PRKG2: variants seen among roughly 807,000 people sequenced by gnomAD.
PRKG2 encodes the protein cGMP-dependent protein kinase 2.
PRKG2 carries 33 observed loss-of-function variants against 97.2 expected under a neutral mutation model. The observed-to-expected ratio is 0.34, with a 90% CI of 0.26 to 0.45. PRKG2 has a LOEUF of 0.45. PRKG2 is among the 20% of genes least tolerant of loss of function. The pLI is 1.00. For missense variants in PRKG2, 638 were observed against 900.0 expected, an observed-to-expected ratio of 0.71 and a Z score of 3.73; for synonymous variants, 330 against 321.8, an observed-to-expected ratio of 1.03 and a Z score of -0.27.
intron 14 of PRKG2, among the ~76,000 whole-genome samples, chr4:81,126,429 C>T (rs879088235): frequency 1.3e-5 from 2 of 152,148 alleles, no homozygotes; most frequent in Admixed American, 6.5e-5. Flanking sequence ...ATTTCTGGTT[C>T]TAGATCCTTG....
intron 14 of PRKG2, among the ~76,000 whole-genome samples, chr4:81,124,207 A>G (rs1406843251): frequency 6.6e-6 from 1 of 152,054 alleles, no homozygotes; most frequent in Non-Finnish European, 1.5e-5. Flanking sequence ...TTTTTCATTT[A>G]CTTTTTTTCA....
At chr4:81,109,531 G>A (rs558857802) in intron 15 of PRKG2, among the ~76,000 whole-genome samples, 9 of 152,244 alleles carry the variant, frequency 5.9e-5, no homozygotes, top group African/African-American at 1.4e-4. Context: ...AGGAAGGTGC[G>A]TCACATTTAG....
chr4:81,132,293 TAG>T (rs1746259829), intron 14 of PRKG2, among the ~76,000 whole-genome samples: 1 of 152,296 alleles, frequency 6.6e-6, no homozygotes, highest in East Asian at 1.9e-4. Flanking sequence ...ACCTCTTTGG[TAG>T]AGTCTTCAGA....
chr4:81,209,049 T>C (rs1209423825), intron 1 of PRKG2, among the ~76,000 whole-genome samples: 2 of 152,156 alleles, frequency 1.3e-5, no homozygotes, highest in Admixed American at 1.3e-4. Flanking sequence ...CAGTTAGGTA[T>C]AGGAGACAGC....
At chr4:81,162,140 C>A (rs1453473400) in intron 6 of PRKG2, among the ~76,000 whole-genome samples, 2 of 152,146 alleles carry the variant, frequency 1.3e-5, no homozygotes, top group African/African-American at 4.8e-5. Context: ...ATTATATTTA[C>A]TACTACACCT....
intron 13 of PRKG2, among the ~76,000 whole-genome samples, chr4:81,135,662 C>A (rs932297665): frequency 6.6e-6 from 1 of 152,094 alleles, no homozygotes; most frequent in Admixed American, 6.6e-5. Context: ...ACTTTTGCAA[C>A]TTATTGCTTG....
chr4:81,184,304 C>T (rs112597227), intron 2 of PRKG2, among the ~76,000 whole-genome samples: 1,571 of 152,262 alleles, frequency 0.01, 28 homozygotes, highest in African/African-American at 0.035. Context: ...GAAGAACAGG[C>T]AGCAATCTTT....
intron 14 of PRKG2, among the ~76,000 whole-genome samples, chr4:81,127,580 T>TA (rs2110014217): frequency 6.6e-6 from 1 of 152,342 alleles, no homozygotes; most frequent in South Asian, 2.1e-4. Flanking sequence ...CTAGGTTTTT[T>TA]ATTCTCTTTG....
intron 6 of PRKG2, among the ~76,000 whole-genome samples, chr4:81,162,251 C>T (rs1749642512): frequency 6.6e-6 from 1 of 152,140 alleles, no homozygotes; most frequent in Non-Finnish European, 1.5e-5. Flanking sequence ...ACGAAAGAGG[C>T]TGTAAGCTGG....
rs183130475 is a variant in PRKG2, at chr4:81,108,065, C to T, written c.1941-2130G>A. Among the ~76,000 whole-genome samples, 136 of 152,016 alleles carry T rather than the reference C, an allele frequency of 8.9e-4. 2 individuals are homozygous for T. Among genetic ancestry groups the T allele is most frequent in the African/African-American group, 3.2e-3 (132 of 41,486 alleles). On this transcript the variant is annotated intron_variant, in intron 15 of 18. Coordinates refer to ENST00000264399, the MANE Select transcript of PRKG2 (RefSeq NM_006259.3). ...ACTAAAAATACAAAAATCAGCTGGG[C>T]ATAGTGGTGGGCACCTATAATCCCA...
intron 5 of PRKG2, 99 bp downstream of exon 5, chr4:81,169,564 T>A (rs1040055249): frequency 8.0e-6 from 7 of 874,512 alleles, no homozygotes; most frequent in Non-Finnish European, 1.2e-5. Flanking sequence ...AATGCTTAAA[T>A]GGAAGTAGCT....
intron 12 of PRKG2, among the ~76,000 whole-genome samples, chr4:81,139,571 T>TCCTGGCTAACACGGTGAAACCCC (rs1747051045): frequency 6.7e-6 from 1 of 150,352 alleles, no homozygotes; most frequent in Non-Finnish European, 1.5e-5. Context: ...ATCGAGACCG[T>TCCTGGCTAACACGGTGAAACCCC]CCTGGCTAAC....
intron 2 of PRKG2, among the ~76,000 whole-genome samples, chr4:81,197,438 T>C (rs1348638602): frequency 6.6e-6 from 1 of 152,192 alleles, no homozygotes; most frequent in East Asian, 1.9e-4. Context: ...CAGAAACTGC[T>C]ATAAATATCC....
chr4:81,201,787 G>A (rs1439665500), intron 2 of PRKG2, among the ~76,000 whole-genome samples: 1 of 152,140 alleles, frequency 6.6e-6, no homozygotes, highest in East Asian at 1.9e-4. Flanking sequence ...AGGAGAGCTA[G>A]GAGTCTCCCC....
chr4:81,160,768 C>A (rs1026669979), intron 6 of PRKG2, among the ~76,000 whole-genome samples: 1 of 151,852 alleles, frequency 6.6e-6, no homozygotes, highest in Admixed American at 6.6e-5. Flanking sequence ...TTATTAACAT[C>A]TGTTTCTCTT....
intron 8 of PRKG2, among the ~76,000 whole-genome samples, chr4:81,149,405 A>G (rs1427436335): frequency 1.3e-5 from 2 of 152,190 alleles, no homozygotes; most frequent in African/African-American, 2.4e-5. Flanking sequence ...TCAGTGCCAT[A>G]TCACCCAATT....
At chr4:81,121,429 G>C (rs1322591127) in intron 14 of PRKG2, among the ~76,000 whole-genome samples, 1 of 151,946 alleles carries the variant, frequency 6.6e-6, no homozygotes, top group East Asian at 1.9e-4. Flanking sequence ...ATCTAAGCCT[G>C]GTTCTTTGTG....
chr4:81,142,016 C>G (rs572340068), intron 11 of PRKG2, among the ~76,000 whole-genome samples: 1 of 152,260 alleles, frequency 6.6e-6, no homozygotes, highest in East Asian at 1.9e-4. Context: ...ATGGTGAATC[C>G]TTAAAAATCT....
intron 6 of PRKG2, among the ~76,000 whole-genome samples, chr4:81,161,445 G>A (rs2110072378): frequency 6.6e-6 from 1 of 152,320 alleles, no homozygotes; most frequent in East Asian, 1.9e-4. Context: ...GTTTCCGTGA[G>A]TCAGAAAGCC....
Sources: allele counts gnomAD v4.1 joint callset (sites outside exome capture counted in the v4.1 genomes callset), GRCh38; gene constraint gnomAD v4.1.1; transcripts MANE v1.5; gene names NCBI Gene and HGNC (gene_info 2026-07-23, HGNC 2026-07-21).